The following PHKB variants were observed in gnomAD, a reference collection of about 807,000 sequenced individuals.
PHKB encodes the protein phosphorylase kinase regulatory subunit beta.
A neutral mutation model predicts 152.1 loss-of-function variants in PHKB; 122 were observed. The ratio of observed to expected loss-of-function variants is 0.80; its 90% confidence interval spans 0.69 to 0.93. The LOEUF (loss-of-function observed/expected upper bound fraction) is 0.93. Among genes scored for constraint, PHKB ranks in the 40% least tolerant of loss-of-function variants. PHKB has a pLI of 0.00. For synonymous variants in PHKB, 436 were observed against 464.9 expected (o/e 0.94, Z 0.80); for missense variants, 1,304 against 1,328.4 (o/e 0.98, Z 0.29).
At chr16:47,628,739 A>T (rs1972760327) in intron 14 of PHKB, among the ~76,000 whole-genome samples, 1 of 152,202 alleles carries the variant, frequency 6.6e-6, no homozygotes, top group Admixed American at 6.5e-5. Flanking sequence ...AAAAGAACAA[A>T]GCTGGAGGCA....
chr16:47,466,323 C>T lies in PHKB; in HGVS notation c.76+4897C>T, dbSNP rs1481079750. 2.6e-5 allele frequency among the ~76,000 whole-genome samples: 4 copies of T among 152,282 alleles called. No homozygotes were observed. The South Asian group carries it at 8.3e-4, about 32-fold the overall frequency. ...AATAATTATTAGAGAAGGAATGTAG[C>T]ATTCAATACCTTAGATTGCTTCCGT... On this transcript the variant is annotated intron_variant, in intron 1 of 30. Coordinates refer to ENST00000323584, the MANE Select transcript of PHKB (RefSeq NM_000293.3).
intron 7 of PHKB, among the ~76,000 whole-genome samples, chr16:47,577,572 C>T (rs1275209790): frequency 6.6e-6 from 1 of 152,004 alleles, no homozygotes; most frequent in Admixed American, 6.6e-5. Context: ...CTCTTATTTT[C>T]CTTCATCTGA....
chr16:47,671,452 C>T (rs1973636650), intron 26 of PHKB, among the ~76,000 whole-genome samples: 1 of 151,916 alleles, frequency 6.6e-6, no homozygotes, highest in Non-Finnish European at 1.5e-5. Flanking sequence ...TGTTTTCTTT[C>T]TTTTACATTT....
intron 7 of PHKB, among the ~76,000 whole-genome samples, chr16:47,548,401 G>A (rs1284817039): frequency 6.6e-6 from 1 of 152,206 alleles, no homozygotes; most frequent in Non-Finnish European, 1.5e-5. Context: ...GAGGCCAGGA[G>A]TTTAAGACCA....
chr16:47,610,973 T>C (rs1597122694), intron 14 of PHKB, 53 bp downstream of exon 14: 3 of 1,120,272 alleles, frequency 2.7e-6, no homozygotes, highest in Non-Finnish European at 4.1e-6. Flanking sequence ...CATTTAAGCT[T>C]AATTGAAGAG....
At chr16:47,642,949 G>T (rs1384223564) in intron 16 of PHKB, among the ~76,000 whole-genome samples, 1 of 152,152 alleles carries the variant, frequency 6.6e-6, no homozygotes, top group Non-Finnish European at 1.5e-5. Flanking sequence ...AGGCTCTTAT[G>T]CTGTGCTCTT....
At chr16:47,508,451 T>C (rs1597041382) in intron 4 of PHKB, among the ~76,000 whole-genome samples, 2 of 152,306 alleles carry the variant, frequency 1.3e-5, no homozygotes, top group Middle Eastern at 3.4e-3. Context: ...GAAAATTTTT[T>C]TTAAATGCTA....
At chr16:47,506,540 T>A (rs1970423099) in intron 4 of PHKB, among the ~76,000 whole-genome samples, 1 of 152,218 alleles carries the variant, frequency 6.6e-6, no homozygotes, top group South Asian at 2.1e-4. Context: ...AAGTGTGAGA[T>A]GTTATTGTTT....
At chr16:47,491,096 C>G (rs939363800) in intron 1 of PHKB, among the ~76,000 whole-genome samples, 1 of 152,182 alleles carries the variant, frequency 6.6e-6, no homozygotes, top group African/African-American at 2.4e-5. Context: ...AATGGTACCT[C>G]CTAGCAATTT....
At chr16:47,547,590 T>C (rs1408932768) in intron 7 of PHKB, 42 bp downstream of exon 7, 2 of 1,075,464 alleles carry the variant, frequency 1.9e-6, no homozygotes, top group Non-Finnish European at 2.9e-6. Context: ...AAATTAAATG[T>C]ATGGAATTTG....
At chr16:47,471,279 G>A (rs1969762674) in intron 1 of PHKB, among the ~76,000 whole-genome samples, 1 of 152,196 alleles carries the variant, frequency 6.6e-6, no homozygotes. Flanking sequence ...AAAGCATTGT[G>A]AATGACAGGA....
At chr16:47,528,373 A>G (rs1255427703) in intron 6 of PHKB, among the ~76,000 whole-genome samples, 2 of 152,180 alleles carry the variant, frequency 1.3e-5, no homozygotes, top group African/African-American at 4.8e-5. Context: ...ATCTTCTCCA[A>G]AAAGAGAATA....
intron 6 of PHKB, among the ~76,000 whole-genome samples, chr16:47,527,560 A>C (rs529378940): frequency 2.0e-5 from 3 of 152,356 alleles, no homozygotes; most frequent in East Asian, 3.9e-4. Context: ...GTGCACGGCA[A>C]TAAATTTTAA....
intron 13 of PHKB, among the ~76,000 whole-genome samples, chr16:47,604,392 T>G (rs1371582497): frequency 6.6e-6 from 1 of 152,146 alleles, no homozygotes; most frequent in Non-Finnish European, 1.5e-5. Flanking sequence ...TTTTAGAAAG[T>G]CCATCCTTGT....
chr16:47,699,011 A>G (rs1974203358), intron 30 of PHKB: 1 of 577,156 alleles, frequency 1.7e-6, no homozygotes, highest in South Asian at 2.0e-5. Context: ...AGGTTCTCTA[A>G]GTAAATAAAA....
At position 47,700,884 on chromosome 16, in the gene PHKB, G is replaced by A. The variant is rs1264186195; in HGVS notation, c.*1518G>A. ...GTGTGAGCACATGGAAAAATCTGCT[G>A]TCAGTCACATTTCTCATAACATTGA... is the stretch of plus-strand genomic sequence containing the variant. On this transcript the variant is annotated 3_prime_UTR_variant, in exon 31 of 31. Coordinates refer to ENST00000323584, the MANE Select transcript of PHKB (RefSeq NM_000293.3). The A allele has an allele frequency of 1.3e-5, 2 of 152,280 alleles. No homozygotes were observed. Among genetic ancestry groups the A allele is most frequent in the South Asian group, 2.1e-4 (1 of 4,826 alleles). 9.4% of individuals were successfully genotyped at this position (152,280 alleles called of 1,614,324 possible).
intron 14 of PHKB, among the ~76,000 whole-genome samples, chr16:47,630,633 C>T (rs1452440250): frequency 1.3e-5 from 2 of 152,184 alleles, no homozygotes; most frequent in South Asian, 2.1e-4. Flanking sequence ...TGTTCCTGCA[C>T]CCATGTGATT....
At chr16:47,658,809 AGTGTGTGTGTGTGTGTGTGTGTGTGTGT>A (rs36066227) in intron 20 of PHKB, among the ~76,000 whole-genome samples, 1 of 140,744 alleles carries the variant, frequency 7.1e-6, no homozygotes, top group Non-Finnish European at 1.5e-5. Flanking sequence ...AATGCATGAC[AGTGTGTGTGTGTGTGTGTGTGTGTGTGT>A]GTGTGTGTGT....
intron 16 of PHKB, among the ~76,000 whole-genome samples, chr16:47,647,000 A>G (rs1021741152): frequency 4.6e-5 from 7 of 152,166 alleles, no homozygotes; most frequent in Non-Finnish European, 8.8e-5. Context: ...TTCCAAGACT[A>G]TCTGTTTTTA....
Sources: allele counts gnomAD v4.1 joint callset (sites outside exome capture counted in the v4.1 genomes callset), GRCh38; gene constraint gnomAD v4.1.1; transcripts MANE v1.5; gene names NCBI Gene and HGNC (gene_info 2026-07-23, HGNC 2026-07-21).